IGFBP2: variants seen among roughly 807,000 people sequenced by gnomAD.
The protein encoded by IGFBP2 is insulin like growth factor binding protein 2, also known as insulin-like growth factor-binding protein 2.
In IGFBP2, 12 loss-of-function variants were observed where a neutral mutation model predicts 26.2. The observed-to-expected ratio is 0.46, with a 90% confidence interval of 0.29 to 0.74. IGFBP2 has a LOEUF of 0.74. Among genes scored for constraint, IGFBP2 ranks in the 30% least tolerant of loss-of-function variants. The pLI, the probability that IGFBP2 is intolerant of heterozygous loss-of-function variation, is 0.09. For synonymous variants in IGFBP2, 189 were observed against 200.6 expected (o/e 0.94, Z 0.49); for missense variants, 328 against 441.2 (o/e 0.74, Z 2.30).
intron 1 of IGFBP2, among the ~76,000 whole-genome samples, chr2:216,638,504 T>G (rs1414820899): frequency 2.0e-5 from 3 of 151,844 alleles, no homozygotes; most frequent in Non-Finnish European, 4.4e-5. Context: ...AAACTCCGTC[T>G]CAAAAATAAA....
At chr2:216,654,973 A>T (rs1273943326) in intron 1 of IGFBP2, among the ~76,000 whole-genome samples, 1 of 152,208 alleles carries the variant, frequency 6.6e-6, no homozygotes, top group African/African-American at 2.4e-5. Flanking sequence ...CCAGGGTTGC[A>T]TATGACATCT....
At chr2:216,647,737 G>A (rs953385895) in intron 1 of IGFBP2, among the ~76,000 whole-genome samples, 4 of 152,128 alleles carry the variant, frequency 2.6e-5, no homozygotes, top group South Asian at 2.1e-4. Context: ...AGCCAGGATG[G>A]TCTCGATTTG....
At chr2:216,636,536 G>A (rs1196586807) in intron 1 of IGFBP2, among the ~76,000 whole-genome samples, 1 of 152,050 alleles carries the variant, frequency 6.6e-6, no homozygotes, top group African/African-American at 2.4e-5. Context: ...GCTGGGGCTT[G>A]TTGGTTCAAA....
rs777973241 is a variant in IGFBP2 at position 216,643,933 on chromosome 2, G to A, written c.442+9968G>A. ...CAAAGAGCAGGCTGGGTGGGATGTC[G>A]ATTTTTTTTTCTTCTGGAGAATGGA... On this transcript the variant is annotated intron_variant, in intron 1 of 3. Coordinates refer to ENST00000233809, the MANE Select transcript of IGFBP2 (RefSeq NM_000597.3). 7.2e-5 allele frequency among the ~76,000 whole-genome samples: 11 copies of A among 152,026 alleles called. No individual in the cohort carries two copies. In the East Asian group the frequency reaches 1.4e-3, roughly 19 times the overall value.
At chr2:216,642,536 G>C (rs1697638199) in intron 1 of IGFBP2, among the ~76,000 whole-genome samples, 1 of 151,842 alleles carries the variant, frequency 6.6e-6, no homozygotes, top group African/African-American at 2.4e-5. Flanking sequence ...TCGATCTCCT[G>C]ACCTTGTGAT....
At chr2:216,639,559 C>CT (rs1399759648) in intron 1 of IGFBP2, among the ~76,000 whole-genome samples, 3 of 103,508 alleles carry the variant, frequency 2.9e-5, no homozygotes, top group Non-Finnish European at 7.7e-5. Flanking sequence ...AAGAAAAAAG[C>CT]TTGTTTTTTT....
intron 1 of IGFBP2, among the ~76,000 whole-genome samples, chr2:216,642,099 A>C (rs1389118426): frequency 6.8e-6 from 1 of 146,726 alleles, no homozygotes; most frequent in East Asian, 2.0e-4. Context: ...TCCCGGGTTC[A>C]TGCCATTCTC....
At chr2:216,646,476 G>A (rs1169252409) in intron 1 of IGFBP2, among the ~76,000 whole-genome samples, 1 of 152,216 alleles carries the variant, frequency 6.6e-6, no homozygotes, top group Non-Finnish European at 1.5e-5. Flanking sequence ...CCAGAAGAAT[G>A]AGAAAAAGAG....
intron 3 of IGFBP2, chr2:216,662,208 T>C: frequency 1.7e-6 from 1 of 596,728 alleles, no homozygotes; most frequent in Non-Finnish European, 2.9e-6. Context: ...AGTTGCTGGC[T>C]CCACTTGCCC....
intron 1 of IGFBP2, among the ~76,000 whole-genome samples, chr2:216,637,533 A>G (rs553806653): frequency 6.6e-6 from 1 of 152,360 alleles, no homozygotes; most frequent in Admixed American, 6.5e-5. Context: ...CAAAACATTT[A>G]CTGTGATAAG....
chr2:216,643,218 A>G (rs183652940), intron 1 of IGFBP2, among the ~76,000 whole-genome samples: 43 of 152,256 alleles, frequency 2.8e-4, no homozygotes, highest in Admixed American at 2.0e-3. Flanking sequence ...TTCTTGCTAC[A>G]TTGTCTCCAG....
intron 1 of IGFBP2, among the ~76,000 whole-genome samples, chr2:216,658,012 A>G (rs1214348361): frequency 6.6e-6 from 1 of 152,144 alleles, no homozygotes; most frequent in African/African-American, 2.4e-5. Flanking sequence ...GATCATCGTC[A>G]TCAACGTAAT....
intron 1 of IGFBP2, among the ~76,000 whole-genome samples, chr2:216,654,907 C>T (rs1337596495): frequency 6.6e-6 from 1 of 152,222 alleles, no homozygotes; most frequent in Non-Finnish European, 1.5e-5. Context: ...AGGAAATCAA[C>T]TTTGTCCTCC....
intron 1 of IGFBP2, among the ~76,000 whole-genome samples, chr2:216,636,131 G>T (rs1697490133): frequency 6.6e-6 from 1 of 152,106 alleles, no homozygotes; most frequent in South Asian, 2.1e-4. Context: ...AGGGTCTTAG[G>T]CTGGGGCAGA....
rs563896382 is a variant in IGFBP2, at chr2:216,661,799, G to A, written c.673-59G>A. The A allele has an allele frequency of 3.1e-3, 4,931 of 1,603,720 alleles. 20 individuals are homozygous for A. Among genetic ancestry groups the A allele is most frequent in the Non-Finnish European group, 3.4e-3 (4,021 of 1,173,654 alleles). On this transcript the variant is annotated intron_variant, in intron 2 of 3. Coordinates refer to ENST00000233809, the MANE Select transcript of IGFBP2 (RefSeq NM_000597.3). ...GCTTCTCGCTGAGCTTGCGTCTGGCGCGTGCTTCGTGGGCCTGCTGTCCTC... is the reference window on the plus strand; with the variant it reads ...GCTTCTCGCTGAGCTTGCGTCTGGCACGTGCTTCGTGGGCCTGCTGTCCTC...
chr2:216,641,791 G>A (rs1347610633), intron 1 of IGFBP2, among the ~76,000 whole-genome samples: 6 of 149,336 alleles, frequency 4.0e-5, no homozygotes, highest in Admixed American at 6.8e-5. Flanking sequence ...CTGGGTTCAC[G>A]CCATTCTCCT....
chr2:216,637,435 G>A (rs950528619), intron 1 of IGFBP2, among the ~76,000 whole-genome samples: 1 of 152,216 alleles, frequency 6.6e-6, no homozygotes, highest in South Asian at 2.1e-4. Flanking sequence ...TGGGGCTGCC[G>A]TTGCCCATGG....
intron 1 of IGFBP2, among the ~76,000 whole-genome samples, chr2:216,638,820 C>A (rs1697554890): frequency 6.6e-6 from 1 of 151,336 alleles, no homozygotes; most frequent in African/African-American, 2.4e-5. Flanking sequence ...CTGCCTCAGC[C>A]TCCCGAGTAG....
chr2:216,658,455 G>A (rs996719324), intron 1 of IGFBP2, among the ~76,000 whole-genome samples: 7 of 152,098 alleles, frequency 4.6e-5, no homozygotes, highest in African/African-American at 7.2e-5. Context: ...TGGGGCATTC[G>A]TCATTGTCAT....
Sources: gnomAD v4.1 joint callset for allele counts (sites outside exome capture counted in the v4.1 genomes callset) on GRCh38, gnomAD v4.1.1 for gene constraint, MANE v1.5 for transcripts, NCBI Gene and HGNC (gene_info 2026-07-23, HGNC 2026-07-21) for gene names.